The following ASTN2 variants were observed in gnomAD, a reference collection of about 807,000 sequenced individuals.
ASTN2 encodes the protein astrotactin-2.
A neutral mutation model predicts 139.8 loss-of-function variants in ASTN2; 54 were observed. The ratio of observed to expected loss-of-function variants is 0.39; its 90% CI spans 0.31 to 0.48. ASTN2 has a LOEUF of 0.48. Ranked by LOEUF, ASTN2 falls within the 20% of genes least tolerant of loss-of-function variation. ASTN2 has a pLI of 0.95. For missense variants in ASTN2, 1,565 were observed against 1,725.1 expected (o/e 0.91, Z 1.64); for synonymous variants, 756 against 719.5 (o/e 1.05, Z -0.81).
At chr9:116,465,167 T>A (rs1049821704) in intron 20 of ASTN2, among the ~76,000 whole-genome samples, 20 of 152,238 alleles carry the variant, frequency 1.3e-4, no homozygotes, top group African/African-American at 4.8e-4. Context: ...GGCTGCATAC[T>A]CTCTATCATG....
At chr9:117,172,274 C>G (rs1043397461) in intron 3 of ASTN2, among the ~76,000 whole-genome samples, 3 of 152,072 alleles carry the variant, frequency 2.0e-5, no homozygotes, top group African/African-American at 7.2e-5. Context: ...TATGCTGCCA[C>G]CGGGTCCTTA....
intron 19 of ASTN2, among the ~76,000 whole-genome samples, chr9:116,537,686 T>C (rs1851702398): frequency 6.6e-6 from 1 of 152,164 alleles, no homozygotes; most frequent in Non-Finnish European, 1.5e-5. Flanking sequence ...CACTGCAAAT[T>C]GGTAAAATCA....
At chr9:116,524,969 G>C (rs1310992199) in intron 19 of ASTN2, among the ~76,000 whole-genome samples, 2 of 152,182 alleles carry the variant, frequency 1.3e-5, no homozygotes, top group East Asian at 3.9e-4. Context: ...TTTGGAACTG[G>C]GTAACAGGCA....
intron 2 of ASTN2, among the ~76,000 whole-genome samples, chr9:117,237,647 T>C (rs148906826): frequency 6.4e-4 from 97 of 152,236 alleles, no homozygotes; most frequent in Admixed American, 1.2e-3. Context: ...GCCCCGCTAA[T>C]TTTTTCTATT....
intron 2 of ASTN2, among the ~76,000 whole-genome samples, chr9:117,233,519 T>TCCAAACATACACAAC (rs1832957888): frequency 6.6e-6 from 1 of 152,122 alleles, no homozygotes; most frequent in Non-Finnish European, 1.5e-5. Flanking sequence ...TGTGTGTGCA[T>TCCAAACATACACAAC]CCAAACATAC....
chr9:117,414,471 T>C lies in ASTN2; in HGVS notation c.442+26A>G. On this transcript the variant is annotated intron_variant, in intron 1 of 22. Coordinates refer to ENST00000313400, the MANE Select transcript of ASTN2 (RefSeq NM_001365068.1). This position sits in a 1 kb window ranked among gnomAD's most constrained non-coding sequence, Gnocchi z 4.2. ...CAGGGGCTCGGGGTTCCTTGGGATCTAGCGCGTGCCGGCGCCCAGCCTTAC... is the reference window on the plus strand; with the variant it reads ...CAGGGGCTCGGGGTTCCTTGGGATCCAGCGCGTGCCGGCGCCCAGCCTTAC... The C allele has an allele frequency of 1.2e-6, 2 of 1,605,172 alleles. No homozygotes were observed. The highest frequency in any genetic ancestry group is 1.7e-6 in the Non-Finnish European group (2 of 1,176,166).
chr9:117,122,216 T>C (rs2132816360), intron 4 of ASTN2, among the ~76,000 whole-genome samples: 1 of 152,288 alleles, frequency 6.6e-6, no homozygotes, highest in South Asian at 2.1e-4. Flanking sequence ...TTGGATGCTA[T>C]CAAGAAAACA....
intron 4 of ASTN2, among the ~76,000 whole-genome samples, chr9:117,137,590 T>C (rs186349977): frequency 1.7e-4 from 26 of 152,318 alleles, no homozygotes; most frequent in Admixed American, 1.2e-3. Flanking sequence ...ATAGTATCAA[T>C]ACATTGAGTT....
chr9:117,024,005 T>G (rs1837975320), intron 6 of ASTN2, among the ~76,000 whole-genome samples: 1 of 152,106 alleles, frequency 6.6e-6, no homozygotes, highest in African/African-American at 2.4e-5. Flanking sequence ...TGGGCGCTAC[T>G]GAGGGCTGAT....
chr9:116,865,760 T>C (rs994290277), intron 10 of ASTN2, among the ~76,000 whole-genome samples: 1 of 152,200 alleles, frequency 6.6e-6, no homozygotes, highest in Non-Finnish European at 1.5e-5. Flanking sequence ...GTGTGGTACC[T>C]GCAGGCACCT....
In ASTN2 at chr9:116,896,654, G is replaced by C. The variant is rs1305617226; in HGVS notation, c.1890-32921C>G. Among the ~76,000 whole-genome samples, 3 of 152,176 alleles carry C rather than the reference G, an allele frequency of 2.0e-5. No individual in the cohort carries two copies. In the East Asian group the frequency reaches 5.8e-4, roughly 29 times the overall value. On this transcript the variant is annotated intron_variant, in intron 10 of 22. Coordinates refer to ENST00000313400, the MANE Select transcript of ASTN2 (RefSeq NM_001365068.1). ...AATTTATTAAAAAAGAGGTTTAATT[G>C]ACTCACAGTTCCACATGGCTGGGGA...
chr9:116,634,123 G>A (rs986989939), intron 17 of ASTN2, among the ~76,000 whole-genome samples: 9 of 152,138 alleles, frequency 5.9e-5, no homozygotes, highest in Non-Finnish European at 1.3e-4. Flanking sequence ...CTTTCTGCCT[G>A]TATAAAATGG....
intron 10 of ASTN2, among the ~76,000 whole-genome samples, chr9:116,907,097 A>G (rs4838008): frequency 0.53 from 80,232 of 152,048 alleles, 22,632 homozygotes; most frequent in Non-Finnish European, 0.63. Flanking sequence ...CCCTTTATGT[A>G]GATGATACAC....
chr9:116,837,072 TA>T (rs1832022381), intron 11 of ASTN2, among the ~76,000 whole-genome samples: 1 of 152,154 alleles, frequency 6.6e-6, no homozygotes, highest in Non-Finnish European at 1.5e-5. Flanking sequence ...GGCAGAGGAA[TA>T]AAGTGATTTT....
Position 116,746,790 on chromosome 9 carries a change from T to C in ASTN2, c.2397-13267A>G, listed in dbSNP as rs115370181. 4.5e-3 allele frequency among the ~76,000 whole-genome samples: 692 copies of C among 152,264 alleles called. 5 individuals are homozygous for C. The highest frequency in any genetic ancestry group is 0.016 in the African/African-American group (667 of 41,540). On this transcript the variant is annotated intron_variant, in intron 13 of 22. Coordinates refer to ENST00000313400, the MANE Select transcript of ASTN2 (RefSeq NM_001365068.1). Reference sequence around the variant, plus strand: ...TGCTAGCATTATCACACTGGACTGTTGTTCCCAGTCACCCTCTGTCTCCCT... The same window carrying C: ...TGCTAGCATTATCACACTGGACTGTCGTTCCCAGTCACCCTCTGTCTCCCT...
intron 13 of ASTN2, among the ~76,000 whole-genome samples, chr9:116,791,024 A>G (rs1411488048): frequency 7.7e-6 from 1 of 129,516 alleles, no homozygotes; most frequent in African/African-American, 2.9e-5. Flanking sequence ...AGAAAGAAAG[A>G]AAGAAAGAAA....
intron 22 of ASTN2, among the ~76,000 whole-genome samples, chr9:116,430,035 T>A (rs1451770471): frequency 3.3e-5 from 5 of 152,218 alleles, no homozygotes; most frequent in African/African-American, 1.2e-4. Context: ...ACCAGTGAGC[T>A]TGGCAGGGAT....
intron 10 of ASTN2, among the ~76,000 whole-genome samples, chr9:116,937,725 A>C (rs1337028215): frequency 6.6e-6 from 1 of 152,236 alleles, no homozygotes; most frequent in Non-Finnish European, 1.5e-5. Context: ...AAATTAAAAA[A>C]AATCAGTAAT....
At chr9:117,171,169 G>T (rs571039797) in intron 3 of ASTN2, among the ~76,000 whole-genome samples, 263 of 151,902 alleles carry the variant, frequency 1.7e-3, no homozygotes, top group African/African-American at 6.0e-3. Context: ...AAGAAAAAAA[G>T]AAAAGAAAAG....
Sources: allele counts gnomAD v4.1 joint callset (sites outside exome capture counted in the v4.1 genomes callset), GRCh38; gene constraint gnomAD v4.1.1; non-coding constraint Gnocchi (gnomAD v3.1); transcripts MANE v1.5; gene names NCBI Gene and HGNC (gene_info 2026-07-23, HGNC 2026-07-21).